Variants in ASAP1 observed in about 807,000 individuals in gnomAD.
ASAP1 encodes the protein ArfGAP with SH3 domain, ankyrin repeat and PH domain 1, also known as arf-GAP with SH3 domain, ANK repeat and PH domain-containing protein 1.
ASAP1 carries 43 observed loss-of-function variants against 145.2 expected under a neutral mutation model. That is an observed-to-expected ratio of 0.30 (90% CI 0.23 to 0.38). The LOEUF is 0.38. Ranked by LOEUF, ASAP1 falls within the 10% of genes least tolerant of loss-of-function variation. The pLI is 1.00. For missense variants in ASAP1, 1,018 were observed against 1,355.3 expected, an observed-to-expected ratio of 0.75 and a Z score of 3.91; for synonymous variants, 546 against 515.5, an observed-to-expected ratio of 1.06 and a Z score of -0.80.
At chr8:130,352,560 G>A (rs1243082049) in intron 3 of ASAP1, among the ~76,000 whole-genome samples, 1 of 152,212 alleles carries the variant, frequency 6.6e-6, no homozygotes, top group African/African-American at 2.4e-5. Context: ...ACAGAAGTCT[G>A]ACTGGCCTGC....
intron 1 of ASAP1, among the ~76,000 whole-genome samples, chr8:130,438,674 G>A (rs189198734): frequency 2.0e-5 from 3 of 152,208 alleles, no homozygotes; most frequent in Admixed American, 6.5e-5. Context: ...TAGTGTCCCT[G>A]GGTTGAAAGT....
At chr8:130,199,575 T>C (rs1380274711) in intron 5 of ASAP1, among the ~76,000 whole-genome samples, 1 of 152,204 alleles carries the variant, frequency 6.6e-6, no homozygotes, top group Non-Finnish European at 1.5e-5. Flanking sequence ...AGGAGACCTG[T>C]TCTAGACTTG....
intron 24 of ASAP1, among the ~76,000 whole-genome samples, chr8:130,101,406 TCATGAG>T (rs1440539879): frequency 8.5e-5 from 13 of 152,200 alleles, no homozygotes; most frequent in Middle Eastern, 3.2e-3. Flanking sequence ...ATTCTTCCAA[TCATGAG>T]CATGTGATGT....
chr8:130,416,283 A>G (rs936138635), intron 1 of ASAP1, among the ~76,000 whole-genome samples: 1 of 152,156 alleles, frequency 6.6e-6, no homozygotes, highest in Non-Finnish European at 1.5e-5. Context: ...AAGCAAAGCA[A>G]CCCCACACTC....
intron 13 of ASAP1, among the ~76,000 whole-genome samples, chr8:130,138,278 C>T (rs1209640108): frequency 6.6e-6 from 1 of 152,194 alleles, no homozygotes; most frequent in Non-Finnish European, 1.5e-5. Flanking sequence ...TCTATGATTT[C>T]AATGAGATTA....
intron 3 of ASAP1, among the ~76,000 whole-genome samples, chr8:130,328,325 C>T (rs558415566): frequency 1.3e-4 from 20 of 152,258 alleles, no homozygotes; most frequent in African/African-American, 4.8e-4. Flanking sequence ...ACAAATAATA[C>T]AGTAGTCAAT....
chr8:130,274,775 T>G (rs144600983), intron 3 of ASAP1, among the ~76,000 whole-genome samples: 6 of 152,356 alleles, frequency 3.9e-5, no homozygotes, highest in African/African-American at 1.2e-4. Flanking sequence ...ATCTGTGTTC[T>G]CTGGCATAGA....
chr8:130,341,413 CT>C (rs1240514506), intron 3 of ASAP1, among the ~76,000 whole-genome samples: 1 of 152,168 alleles, frequency 6.6e-6, no homozygotes, highest in African/African-American at 2.4e-5. Context: ...ATGGCAGAGA[CT>C]TGGAGACTTG....
chr8:130,396,424 A>T (rs1828533988), intron 2 of ASAP1, among the ~76,000 whole-genome samples: 1 of 152,222 alleles, frequency 6.6e-6, no homozygotes, highest in Admixed American at 6.5e-5. Context: ...ATCACTTCCC[A>T]TCTCTCAGTT....
intron 1 of ASAP1, among the ~76,000 whole-genome samples, chr8:130,418,250 T>C (rs1829568693): frequency 6.6e-6 from 1 of 152,200 alleles, no homozygotes; most frequent in African/African-American, 2.4e-5. Flanking sequence ...TTAATCACAA[T>C]TTAAAGTATA....
In ASAP1 at chr8:130,136,916, A is replaced by C. The variant is rs145845865; in HGVS notation, c.1168+35T>G. 5.4e-4 allele frequency: 853 copies of C among 1,579,348 alleles called. 3 individuals are homozygous for C. In the African/African-American group the frequency reaches 0.01, roughly 19 times the overall value. On this transcript the variant is annotated intron_variant, in intron 14 of 29. Coordinates refer to ENST00000518721, the MANE Select transcript of ASAP1 (RefSeq NM_018482.4). ...TGGAAATGTGCAGGTGTCAGAAGCCACAATAACCAACTCAGAGAGAGAAAA... is the reference window on the plus strand; with the variant it reads ...TGGAAATGTGCAGGTGTCAGAAGCCCCAATAACCAACTCAGAGAGAGAAAA...
At chr8:130,118,424 A>G in intron 19 of ASAP1, 65 bp downstream of exon 19, 1 of 1,513,304 alleles carries the variant, frequency 6.6e-7, no homozygotes, top group South Asian at 1.2e-5. Context: ...TAATGTTAAA[A>G]TAAGTCACCT....
At chr8:130,187,161 G>GTTTTTTT in intron 7 of ASAP1, 75 bp downstream of exon 7, 1 of 1,089,498 alleles carries the variant, frequency 9.2e-7, no homozygotes, top group African/African-American at 1.7e-5. Flanking sequence ...TTCCAGTTAA[G>GTTTTTTT]TTTTTTTTTT....
At chr8:130,355,596 A>G (rs1826257299) in intron 3 of ASAP1, among the ~76,000 whole-genome samples, 1 of 152,224 alleles carries the variant, frequency 6.6e-6, no homozygotes, top group Non-Finnish European at 1.5e-5. Context: ...TATGCCAACA[A>G]GATTTTGTGG....
chr8:130,418,164 A>G (rs1316410276), intron 1 of ASAP1, among the ~76,000 whole-genome samples: 1 of 152,258 alleles, frequency 6.6e-6, no homozygotes, highest in Non-Finnish European at 1.5e-5. Flanking sequence ...CTTAAATAAA[A>G]CAAAGAGAAT....
chr8:130,291,753 T>C (rs1216347809), intron 3 of ASAP1, among the ~76,000 whole-genome samples: 2 of 152,220 alleles, frequency 1.3e-5, no homozygotes, highest in African/African-American at 4.8e-5. Flanking sequence ...CTCTTGCTTA[T>C]ATTTCCAGGC....
intron 3 of ASAP1, among the ~76,000 whole-genome samples, chr8:130,268,259 G>A (rs1038163900): frequency 2.0e-5 from 3 of 152,128 alleles, no homozygotes; most frequent in African/African-American, 4.8e-5. Context: ...ACTGAGGCAG[G>A]TAGAGCACTT....
intron 13 of ASAP1, among the ~76,000 whole-genome samples, chr8:130,141,813 G>A (rs910740535): frequency 1.3e-5 from 2 of 152,156 alleles, no homozygotes; most frequent in Admixed American, 1.3e-4. Context: ...GAACTCCTGG[G>A]CTCAAGGCAT....
At chr8:130,357,948 G>A in intron 3 of ASAP1, 69 bp downstream of exon 3, 4 of 1,526,074 alleles carry the variant, frequency 2.6e-6, no homozygotes, top group South Asian at 1.2e-5. Context: ...TCCCAGCTCG[G>A]AGAGGAGATC....
Sources: gnomAD v4.1 joint callset for allele counts (sites outside exome capture counted in the v4.1 genomes callset) on GRCh38, gnomAD v4.1.1 for gene constraint, MANE v1.5 for transcripts, NCBI Gene and HGNC (gene_info 2026-07-23, HGNC 2026-07-21) for gene names.